DOCK10: variants seen among roughly 807,000 people sequenced by gnomAD.
The protein encoded by DOCK10 is dedicator of cytokinesis 10.
DOCK10 carries 145 observed loss-of-function variants against 280.1 expected under a neutral mutation model. The observed-to-expected ratio is 0.52, with a 90% confidence interval of 0.45 to 0.59. The LOEUF (loss-of-function observed/expected upper bound fraction) is 0.59. Among genes scored for constraint, DOCK10 ranks in the 20% least tolerant of loss-of-function variants. DOCK10 has a pLI of 0.00. For synonymous variants in DOCK10, 915 were observed against 942.2 expected (o/e 0.97, Z 0.53); for missense variants, 2,368 against 2,651.7 (o/e 0.89, Z 2.35).
intron 1 of DOCK10, among the ~76,000 whole-genome samples, chr2:224,949,052 C>T (rs1364402636): frequency 6.6e-6 from 1 of 152,186 alleles, no homozygotes; most frequent in African/African-American, 2.4e-5. Context: ...AGAGGCATCA[C>T]CCGGCAGCAT....
chr2:224,967,322 T>C (rs532964879), intron 1 of DOCK10, among the ~76,000 whole-genome samples: 191 of 152,250 alleles, frequency 1.3e-3, no homozygotes, highest in Non-Finnish European at 1.6e-3. Context: ...CCTTGTGATC[T>C]GCCCACCTCG....
At chr2:224,775,174 G>A (rs1235884951) in intron 51 of DOCK10, 59 bp from the exon 52 acceptor site, 4 of 1,511,508 alleles carry the variant, frequency 2.6e-6, no homozygotes, top group Non-Finnish European at 1.8e-6. Flanking sequence ...CTGAAAGCGG[G>A]AAGCTCCCAT....
rs569682271 is a variant in DOCK10, at chr2:224,852,544, G to A, written c.2077-102C>T. 5 of 839,410 alleles carry A rather than the reference G, an allele frequency of 6.0e-6. No individual in the cohort carries two copies. The East Asian group carries it at 1.3e-4, about 22-fold the overall frequency. 52.0% of individuals were successfully genotyped at this position (839,410 alleles called of 1,614,324 possible). A position where few individuals can be genotyped will look rare whatever the true frequency, so the allele number is the denominator to read the frequency against. ...GTAGCTTCTAATTAATCCAAAAAATGTAAAATACCCAACATTTTCTTGTGA... is the reference window on the plus strand; with the variant it reads ...GTAGCTTCTAATTAATCCAAAAAATATAAAATACCCAACATTTTCTTGTGA... On this transcript the variant is annotated intron_variant, in intron 17 of 55. Transcript: ENST00000258390.
chr2:224,793,297 T>G, intron 46 of DOCK10, 103 bp downstream of exon 46: 2 of 999,802 alleles, frequency 2.0e-6, no homozygotes, highest in Non-Finnish European at 3.0e-6. Flanking sequence ...GATTATTACT[T>G]AAACATAACA....
In DOCK10 at chr2:224,787,142, C is replaced by T; in HGVS notation, c.5542-7G>A. 6.2e-7 allele frequency: 1 copy of T among 1,612,520 alleles called. No homozygotes were observed. The highest frequency in any genetic ancestry group is 8.5e-7 in the Non-Finnish European group (1 of 1,178,566). On this transcript the variant is annotated splice_polypyrimidine_tract_variant and splice_region_variant and intron_variant, in intron 49 of 55. Transcript: ENST00000258390. ...AGTAGAGATCTGACAATTTCTGAAA[C>T]CATAAGTGAAAGAGTTTCATGAAGA... is the stretch of plus-strand genomic sequence containing the variant.
rs747106369 is a variant in DOCK10, at chr2:224,853,007, G to A, written c.2004C>T (p.Tyr668=). The A allele has an allele frequency of 2.5e-5, 40 of 1,612,594 alleles. No homozygotes were observed. The highest frequency in any genetic ancestry group is 3.2e-5 in the Non-Finnish European group (38 of 1,179,080). ...TATAAATTTGATTTTTATATACTCT[G>A]TAAGGCCGACAATACTTTGTTGAAT... ...VYDSTKYCRP[Y]RVYKNQIYIY... The change falls in exon 17 of 56, where the codon TAC becomes TAT. Residue 668 remains tyrosine, a synonymous_variant. Coordinates refer to ENST00000258390, the MANE Select transcript of DOCK10 (RefSeq NM_014689.3).
chr2:224,960,730 CTTTTT>C (rs71281764), intron 1 of DOCK10, among the ~76,000 whole-genome samples: 39 of 70,248 alleles, frequency 5.6e-4, no homozygotes, highest in African/African-American at 1.5e-3. Flanking sequence ...TCACCAAATT[CTTTTT>C]TTTTTTTTTT....
chr2:224,985,328 G>A (rs950200469), intron 1 of DOCK10, among the ~76,000 whole-genome samples: 1 of 151,684 alleles, frequency 6.6e-6, no homozygotes, highest in Non-Finnish European at 1.5e-5. Context: ...CCAAAGAAGT[G>A]TTGGAAGCTA....
intron 1 of DOCK10, among the ~76,000 whole-genome samples, chr2:224,942,326 C>G (rs1258589822): frequency 6.6e-6 from 1 of 152,242 alleles, no homozygotes; most frequent in Non-Finnish European, 1.5e-5. Flanking sequence ...TTTCAAATCT[C>G]ACATCTCCAT....
At chr2:224,911,592 A>C (rs567334080) in intron 3 of DOCK10, among the ~76,000 whole-genome samples, 1 of 152,280 alleles carries the variant, frequency 6.6e-6, no homozygotes, top group East Asian at 1.9e-4. Flanking sequence ...CTATCTTGAA[A>C]GCATGCCTGG....
intron 1 of DOCK10, among the ~76,000 whole-genome samples, chr2:224,968,525 T>C (rs1704903456): frequency 6.6e-6 from 1 of 152,242 alleles, no homozygotes; most frequent in Non-Finnish European, 1.5e-5. Context: ...TTTGGAATTC[T>C]GTGTAAAATG....
intron 50 of DOCK10, among the ~76,000 whole-genome samples, chr2:224,783,449 T>C (rs1282604113): frequency 1.3e-5 from 2 of 152,022 alleles, no homozygotes; most frequent in African/African-American, 4.8e-5. Flanking sequence ...TAATTTTTTG[T>C]ATTTTTAGTA....
intron 2 of DOCK10, among the ~76,000 whole-genome samples, chr2:224,924,305 A>T (rs1346246834): frequency 6.6e-6 from 1 of 152,212 alleles, no homozygotes; most frequent in Admixed American, 6.5e-5. Context: ...TTAATTACAG[A>T]ACATTTTCAT....
chr2:224,816,773 A>G (rs1694159314), intron 29 of DOCK10, 60 bp from the exon 30 acceptor site: 8 of 961,350 alleles, frequency 8.3e-6, no homozygotes, highest in Non-Finnish European at 1.3e-5. Flanking sequence ...AATAAAAACA[A>G]ACAAACAAAA....
intron 25 of DOCK10, 126 bp from the exon 26 acceptor site, chr2:224,834,389 T>C: frequency 1.5e-6 from 1 of 656,002 alleles, no homozygotes; most frequent in South Asian, 1.7e-5. Context: ...ATGAGATAAA[T>C]GCAGGCCCAA....
At chr2:224,799,410 T>C (rs946000497) in intron 41 of DOCK10, among the ~76,000 whole-genome samples, 1 of 152,264 alleles carries the variant, frequency 6.6e-6, no homozygotes, top group Non-Finnish European at 1.5e-5. Flanking sequence ...TATTCACCTG[T>C]TGATGTATAC....
chr2:224,947,092 C>A (rs1703463646), intron 1 of DOCK10: 1 of 1,348,522 alleles, frequency 7.4e-7, no homozygotes, highest in East Asian at 3.0e-5. Flanking sequence ...TGTAACTCAA[C>A]AGAAAGGAAA....
At chr2:225,003,289 C>T (rs1229743232) in intron 1 of DOCK10, among the ~76,000 whole-genome samples, 1 of 152,192 alleles carries the variant, frequency 6.6e-6, no homozygotes, top group Non-Finnish European at 1.5e-5. Flanking sequence ...AAGTATGCAT[C>T]TGCCTCGGCT....
chr2:224,981,118 T>G (rs578086555), intron 1 of DOCK10, among the ~76,000 whole-genome samples: 90 of 152,282 alleles, frequency 5.9e-4, no homozygotes, highest in African/African-American at 2.0e-3. Flanking sequence ...CTATTTCAAA[T>G]CCTTTAAAAT....
Sources: gnomAD v4.1 joint callset for allele counts (sites outside exome capture counted in the v4.1 genomes callset) on GRCh38, gnomAD v4.1.1 for gene constraint, MANE v1.5 for transcripts, NCBI Gene and HGNC (gene_info 2026-07-23, HGNC 2026-07-21) for gene names.